Variants in LRBA observed in about 807,000 individuals in gnomAD.
LRBA encodes the protein LPS responsive beige-like anchor protein, also known as lipopolysaccharide-responsive and beige-like anchor protein.
In LRBA, 176 loss-of-function variants were observed where a neutral mutation model predicts 330.0. The observed-to-expected ratio is 0.53, with a 90% CI of 0.47 to 0.60. LRBA has a LOEUF of 0.60. Ranked by LOEUF, LRBA falls within the 20% of genes least tolerant of loss-of-function variation. The pLI, the probability that LRBA is intolerant of heterozygous loss-of-function variation, is 0.00. For missense variants in LRBA, 3,259 were observed against 3,444.8 expected, an observed-to-expected ratio of 0.95 and a Z score of 1.35; for synonymous variants, 1,230 against 1,193.0, an observed-to-expected ratio of 1.03 and a Z score of -0.64.
chr4:150,514,499 A>G (rs1278078957), intron 40 of LRBA, among the ~76,000 whole-genome samples: 1 of 152,148 alleles, frequency 6.6e-6, no homozygotes, highest in Non-Finnish European at 1.5e-5. Flanking sequence ...ATGCAGAAAA[A>G]AACTTGTAAA....
Position 150,642,688 on chromosome 4 carries a change from ATCTAAAT to A in LRBA, c.5921+40856_5921+40862del, listed in dbSNP as rs143203944. On this transcript the variant is annotated intron_variant, in intron 37 of 56. Coordinates refer to ENST00000651943, the MANE Select transcript of LRBA (RefSeq NM_001364905.1). ...ATAATATATTGAAAAATATTATTTA[ATCTAAAT>A]TCAATAAGATATCAAGATTTCCTCA... Among the ~76,000 whole-genome samples the A allele has an allele frequency of 1.3e-4, 20 of 152,050 alleles. No individual in the cohort carries two copies. The East Asian group carries it at 3.7e-3, about 28-fold the overall frequency.
intron 17 of LRBA, among the ~76,000 whole-genome samples, chr4:150,889,490 C>T (rs766053197): frequency 6.6e-5 from 10 of 152,098 alleles, no homozygotes; most frequent in Non-Finnish European, 1.2e-4. Context: ...ACACAGCAGG[C>T]GGTGAGCACC....
intron 40 of LRBA, among the ~76,000 whole-genome samples, chr4:150,536,171 T>G (rs761769125): frequency 1.3e-5 from 2 of 152,034 alleles, no homozygotes; most frequent in Non-Finnish European, 2.9e-5. Context: ...AAAAAAGACT[T>G]AACAGACAGA....
chr4:150,385,720 C>T (rs1742959512), intron 47 of LRBA, among the ~76,000 whole-genome samples: 1 of 152,086 alleles, frequency 6.6e-6, no homozygotes, highest in South Asian at 2.1e-4. Flanking sequence ...GAAAGTGCTA[C>T]TTAAGTGCCT....
At chr4:150,555,264 T>C (rs1166237477) in intron 40 of LRBA, among the ~76,000 whole-genome samples, 1 of 152,184 alleles carries the variant, frequency 6.6e-6, no homozygotes, top group Non-Finnish European at 1.5e-5. Flanking sequence ...ACAATGCTAC[T>C]ACCTATCCTC....
At chr4:150,854,873 A>C (rs1751041212) in intron 22 of LRBA, among the ~76,000 whole-genome samples, 1 of 152,238 alleles carries the variant, frequency 6.6e-6, no homozygotes, top group Non-Finnish European at 1.5e-5. Context: ...ATGATTGTAG[A>C]ACATTATAGA....
chr4:150,840,112 C>A (rs1439707006), intron 28 of LRBA, among the ~76,000 whole-genome samples: 1 of 152,174 alleles, frequency 6.6e-6, no homozygotes, highest in Non-Finnish European at 1.5e-5. Flanking sequence ...AGCGTTGGAG[C>A]CTTATCTGAA....
intron 40 of LRBA, among the ~76,000 whole-genome samples, chr4:150,548,451 A>C (rs556687148): frequency 1.3e-5 from 2 of 152,296 alleles, no homozygotes; most frequent in South Asian, 4.1e-4. Context: ...TACCAACTCT[A>C]AATTAATCTC....
chr4:150,419,479 C>T (rs1311082701), intron 46 of LRBA, among the ~76,000 whole-genome samples: 2 of 151,984 alleles, frequency 1.3e-5, no homozygotes, highest in African/African-American at 4.8e-5. Flanking sequence ...CCTGCCCTAC[C>T]AATCTAATAA....
intron 2 of LRBA, among the ~76,000 whole-genome samples, chr4:151,002,084 C>G (rs1039618540): frequency 6.6e-6 from 1 of 150,408 alleles, no homozygotes; most frequent in Admixed American, 6.7e-5. Context: ...ATCATAGATA[C>G]GTCTTCAAAT....
At chr4:150,915,168 A>G (rs1732451466) in intron 8 of LRBA, among the ~76,000 whole-genome samples, 1 of 152,174 alleles carries the variant, frequency 6.6e-6, no homozygotes, top group Admixed American at 6.5e-5. Flanking sequence ...TAATTACAGG[A>G]AAAACATTTT....
At chr4:150,793,135 C>A (rs1165458159) in intron 34 of LRBA, among the ~76,000 whole-genome samples, 1 of 151,516 alleles carries the variant, frequency 6.6e-6, no homozygotes, top group Non-Finnish European at 1.5e-5. Flanking sequence ...GAGACCCTAT[C>A]TCAACAAAAA....
intron 12 of LRBA, 28 bp downstream of exon 12, chr4:150,906,269 C>A (rs1731327613): frequency 2.1e-6 from 3 of 1,398,340 alleles, no homozygotes; most frequent in South Asian, 1.2e-5. Context: ...AATTAAGAAT[C>A]AAAAACATAA....
chr4:150,350,513 T>A (rs1038827584), intron 47 of LRBA, among the ~76,000 whole-genome samples: 118 of 148,170 alleles, frequency 8.0e-4, no homozygotes, highest in Non-Finnish European at 3.0e-4. Context: ...GAGGTTGCAG[T>A]GAACCGAGAT....
intron 49 of LRBA, among the ~76,000 whole-genome samples, chr4:150,324,188 A>C (rs779114887): frequency 2.0e-5 from 3 of 152,192 alleles, no homozygotes; most frequent in Non-Finnish European, 2.9e-5. Flanking sequence ...CCATGGAAGA[A>C]GGCTGGGCAG....
At chr4:150,982,846 C>G (rs1331752868) in intron 2 of LRBA, among the ~76,000 whole-genome samples, 1 of 152,178 alleles carries the variant, frequency 6.6e-6, no homozygotes, top group Non-Finnish European at 1.5e-5. Flanking sequence ...ATTCACTGAG[C>G]TGGGACAACC....
intron 17 of LRBA, among the ~76,000 whole-genome samples, chr4:150,883,023 T>C (rs756465665): frequency 6.6e-6 from 1 of 152,238 alleles, no homozygotes; most frequent in Non-Finnish European, 1.5e-5. Context: ...CAGTTTGGCA[T>C]GCCTATATTA....
At position 150,285,937 on chromosome 4, in the gene LRBA, T is replaced by G; in HGVS notation, c.8115A>C (p.Ser2705=). The G allele has an allele frequency of 1.3e-6, 2 of 1,566,890 alleles. No individual in the cohort carries two copies. The highest frequency in any genetic ancestry group is 1.7e-6 in the Non-Finnish European group (2 of 1,161,144). Residue 2705 remains serine (S), a synonymous_variant, in exon 54 of 57, where the codon TCA becomes TCC. Transcript: ENST00000651943. ...CAELGLVLSG[S]QEGPCLIHSM... is the part of the protein sequence containing the mutation. ...GTGAAGGTACCACAGGTTTACCTTGTGAACCACTCAACACCAGGCCTAGCT... is the reference window on the plus strand; with the variant it reads ...GTGAAGGTACCACAGGTTTACCTTGGGAACCACTCAACACCAGGCCTAGCT...
chr4:150,843,111 C>A (rs1227563722), intron 28 of LRBA, among the ~76,000 whole-genome samples: 1 of 152,144 alleles, frequency 6.6e-6, no homozygotes, highest in Non-Finnish European at 1.5e-5. Flanking sequence ...GCTCACCTCA[C>A]CTCCTGCTGT....
Sources: allele counts gnomAD v4.1 joint callset (sites outside exome capture counted in the v4.1 genomes callset), GRCh38; gene constraint gnomAD v4.1.1; transcripts MANE v1.5; gene names NCBI Gene and HGNC (gene_info 2026-07-23, HGNC 2026-07-21).